Variants in DNAH6 observed in about 807,000 individuals in gnomAD.
DNAH6 encodes the protein axonemal beta dynein heavy chain 6.
A neutral mutation model predicts 491.4 loss-of-function variants in DNAH6; 340 were observed. The ratio of observed to expected loss-of-function variants is 0.69; its 90% CI spans 0.63 to 0.76. DNAH6 has a LOEUF of 0.76. Among genes scored for constraint, DNAH6 ranks in the 30% least tolerant of loss-of-function variants. The probability of loss-of-function intolerance (pLI) is 0.00; values close to 1 mark genes in which losing one functional copy is unlikely to be tolerated. For missense variants in DNAH6, 4,443 were observed against 4,972.2 expected (o/e 0.89, Z 3.20); for synonymous variants, 1,603 against 1,686.1 (o/e 0.95, Z 1.21).
Position 84,658,314 on chromosome 2 carries a change from A to C in DNAH6, c.5780A>C (p.Tyr1927Ser). The C allele has an allele frequency of 1.9e-6, 3 of 1,538,544 alleles. No individual in the cohort carries two copies. Among genetic ancestry groups the C allele is most frequent in the Non-Finnish European group, 2.6e-6 (3 of 1,141,054 alleles). ...SKKLTEETQEYILNLFQRYVD... is the reference protein window; with the variant it reads ...SKKLTEETQESILNLFQRYVD... ...CAGCTGACTGAGGAAACCCAAGAATATATATTGAATCTTTTCCAACGTTAT... is the reference window on the plus strand; with the variant it reads ...CAGCTGACTGAGGAAACCCAAGAATCTATATTGAATCTTTTCCAACGTTAT... The change falls in exon 36 of 77, where the codon TAT (tyrosine) becomes TCT (serine). Residue 1927 changes from tyrosine (Y) to serine (S), a missense_variant. Transcript: ENST00000389394.
At chr2:84,474,971 G>A in the DNAH6 span, among the ~76,000 whole-genome samples, 2 of 152,282 alleles carry the variant, frequency 1.3e-5, no homozygotes, top group South Asian at 4.1e-4. Context: ...TTTTCACTGT[G>A]CTTCTTCTAG....
At position 84,595,512 on chromosome 2, in the gene DNAH6, A is replaced by AATTT. The variant is rs1684493965; in HGVS notation, c.2725-132_2725-129dup. On this transcript the variant is annotated intron_variant, in intron 17 of 76. Coordinates refer to ENST00000389394, the MANE Select transcript of DNAH6 (RefSeq NM_001370.2). The stretch of plus-strand genomic sequence containing the variant: ...ATGCTGGATATATAATGTTATTAGC[A>AATTT]ATTTAATAAGTAAAGCCATTTCCAA... 6.6e-6 allele frequency: 5 copies of AATTT among 762,602 alleles called. No individual in the cohort carries two copies. The South Asian group carries it at 1.1e-4, about 16-fold the overall frequency. The allele number at this position is 762,602 out of a possible 1,614,324, so 47.2% of individuals were successfully genotyped here. A position where few individuals can be genotyped will look rare whatever the true frequency, so the allele number is the denominator to read the frequency against.
chr2:84,591,239 T>C lies in DNAH6; in HGVS notation c.2610+2285T>C, dbSNP rs1045994779. Among the ~76,000 whole-genome samples the C allele has an allele frequency of 4.6e-5, 7 of 152,234 alleles. No homozygotes were observed. In the South Asian group the frequency reaches 6.2e-4, roughly 14 times the overall value. Reference sequence around the variant, plus strand: ...GGGGGAAAAATTTAAAAATAATAAATAAACTCAGTAAAGTTGTAGAATACA... The same window carrying C: ...GGGGGAAAAATTTAAAAATAATAAACAAACTCAGTAAAGTTGTAGAATACA... On this transcript the variant is annotated intron_variant, in intron 16 of 76. Transcript: ENST00000389394.
intron 61 of DNAH6, among the ~76,000 whole-genome samples, chr2:84,730,882 C>T (rs1699064338): frequency 6.6e-6 from 1 of 152,074 alleles, no homozygotes; most frequent in Non-Finnish European, 1.5e-5. Flanking sequence ...TTTATAAATG[C>T]CTATGAACGT....
chr2:84,604,774 G>T (rs575783582), intron 19 of DNAH6, among the ~76,000 whole-genome samples: 18 of 152,146 alleles, frequency 1.2e-4, no homozygotes, highest in African/African-American at 4.3e-4. Flanking sequence ...TGGCCACAAG[G>T]TTTGAAATGT....
intron 63 of DNAH6, among the ~76,000 whole-genome samples, chr2:84,761,775 TAC>T (rs1203133240): frequency 8.1e-6 from 1 of 123,542 alleles, no homozygotes; most frequent in African/African-American, 3.3e-5. Context: ...CAGCATTACA[TAC>T]ACACACACAC....
intron 56 of DNAH6, among the ~76,000 whole-genome samples, chr2:84,711,544 A>G (rs1020250283): frequency 2.6e-5 from 4 of 152,160 alleles, no homozygotes; most frequent in South Asian, 2.1e-4. Flanking sequence ...TTGCATGTTC[A>G]CTCCATGCCA....
intron 68 of DNAH6, among the ~76,000 whole-genome samples, chr2:84,789,645 A>G (rs925933230): frequency 6.6e-6 from 1 of 152,236 alleles, no homozygotes; most frequent in African/African-American, 2.4e-5. Flanking sequence ...TGGAGGGCCA[A>G]AGAATGATAA....
At chr2:84,489,893 T>C in the DNAH6 span, among the ~76,000 whole-genome samples, 1 of 152,128 alleles carries the variant, frequency 6.6e-6, no homozygotes, top group Non-Finnish European at 1.5e-5. Context: ...TCTAACGAGT[T>C]CCCAGGTAAT....
At chr2:84,653,992 TTTAC>T (rs1690707927) in intron 34 of DNAH6, 118 bp downstream of exon 34, 1 of 800,320 alleles carries the variant, frequency 1.2e-6, no homozygotes, top group Non-Finnish European at 1.9e-6. Flanking sequence ...TTGTGTTCTG[TTTAC>T]TTACTTATTA....
chr2:84,529,302 A>T (rs992053584), intron 4 of DNAH6, 136 bp downstream of exon 4: 4 of 703,728 alleles, frequency 5.7e-6, no homozygotes, highest in Non-Finnish European at 8.9e-6. Context: ...AATGAATCCT[A>T]ATCACAACAA....
At chr2:84,488,086 AC>A in the DNAH6 span, among the ~76,000 whole-genome samples, 491 of 152,352 alleles carry the variant, frequency 3.2e-3, 1 homozygote, top group African/African-American at 0.011. Flanking sequence ...CATTAAAAAA[AC>A]ATCCTAAGAA....
upstream of DNAH6, among the ~76,000 whole-genome samples, chr2:84,514,861 C>CAGTCA (rs1553405923): frequency 1.4e-4 from 6 of 43,608 alleles, 1 homozygote; most frequent in Middle Eastern, 0.02. Flanking sequence ...CCCCACTTCA[C>CAGTCA]CACAGTCACA....
chr2:84,625,124 A>G (rs1179552756), intron 29 of DNAH6, 61 bp downstream of exon 29: 3 of 1,367,994 alleles, frequency 2.2e-6, no homozygotes, highest in Non-Finnish European at 2.9e-6. Flanking sequence ...TCTATTTGCA[A>G]CATGACATAA....
chr2:84,576,198 C>T (rs1301466966), intron 12 of DNAH6, among the ~76,000 whole-genome samples: 1 of 152,136 alleles, frequency 6.6e-6, no homozygotes, highest in African/African-American at 2.4e-5. Flanking sequence ...TTCAAAAATA[C>T]ACAAATCAAA....
rs1407327537 is a variant in DNAH6, at chr2:84,625,057, C to A, written c.4509C>A (p.Asp1503Glu). Residue 1503 changes from aspartate to glutamate, a missense_variant, in exon 29 of 77, where the codon GAC (aspartate) becomes GAA (glutamate). By Grantham distance (45) the Asp-to-Glu change is conservative (BLOSUM62 2). Coordinates refer to ENST00000389394, the MANE Select transcript of DNAH6 (RefSeq NM_001370.2). ...TCTTTAACTGTTCAGATGGTTTGGA[C>A]TACAAGGTACAGTTCTTGCATCTGA... is the stretch of plus-strand genomic sequence containing the variant. ...CVVFNCSDGL[D>E]YKMMGRFFSG... 6.5e-7 allele frequency: 1 copy of A among 1,537,888 alleles called. No homozygotes were observed. The highest frequency in any genetic ancestry group is 1.2e-5 in the South Asian group (1 of 80,890).
At chr2:84,785,813 A>G (rs1677121667) in intron 67 of DNAH6, 57 bp downstream of exon 67, 1 of 1,386,268 alleles carries the variant, frequency 7.2e-7, no homozygotes, top group Non-Finnish European at 9.5e-7. Context: ...AAATAAATAA[A>G]TAGTAATAAT....
chr2:84,796,463 C>T, intron 69 of DNAH6, 38 bp downstream of exon 69: 6 of 1,461,622 alleles, frequency 4.1e-6, no homozygotes, highest in Non-Finnish European at 5.5e-6. Context: ...AGGCCTTTCC[C>T]AAGAAGATGT....
rs1248151970 is a variant in DNAH6, at chr2:84,669,329, T to G, written c.6125T>G (p.Phe2042Cys). 1.9e-6 allele frequency: 3 copies of G among 1,550,086 alleles called. No individual in the cohort carries two copies. In the Admixed American group the frequency reaches 5.9e-5, roughly 30 times the overall value. ...SGDLWSIHMD[F>C]DTKRLDPWER... ...GATCTGTGGAGCATTCATATGGACT[T>G]TGACACCAAACGGCTGGATCCCTGG... The change falls in exon 38 of 77, where the codon TTT becomes TGT. Residue 2042 changes from phenylalanine (F) to cysteine (C), a missense_variant. Around this residue, in one of 3 missense-constraint regions of DNAH6, gnomAD observed 2,977 missense variants for 3,296.6 expected, o/e 0.90. Coordinates refer to ENST00000389394, the MANE Select transcript of DNAH6 (RefSeq NM_001370.2).
Sources: allele counts gnomAD v4.1 joint callset (sites outside exome capture counted in the v4.1 genomes callset), GRCh38; gene constraint gnomAD v4.1.1; regional missense constraint gnomAD v4.1.1; transcripts MANE v1.5; gene names NCBI Gene and HGNC (gene_info 2026-07-23, HGNC 2026-07-21).